TSBP1: variants seen among roughly 807,000 people sequenced by gnomAD.
The protein encoded by TSBP1 is testis expressed basic protein 1.
Under a neutral mutation model 68.8 loss-of-function variants are expected in TSBP1, and 56 were observed. The observed-to-expected ratio is 0.81, with a 90% CI of 0.66 to 1.02. The LOEUF is 1.02. Among genes scored for constraint, TSBP1 ranks in the 50% least tolerant of loss-of-function variants. TSBP1 has a pLI of 0.00. For missense variants in TSBP1, 502 were observed against 641.2 expected, an observed-to-expected ratio of 0.78 and a Z score of 2.34; for synonymous variants, 171 against 208.7, an observed-to-expected ratio of 0.82 and a Z score of 1.56.
chr6:32,345,674 G>A (rs1770931152), intron 9 of TSBP1, among the ~76,000 whole-genome samples: 1 of 152,138 alleles, frequency 6.6e-6, no homozygotes, highest in African/African-American at 2.4e-5. Flanking sequence ...TCAGATTGCA[G>A]TCCTTATCTG....
At chr6:32,308,714 A>G (rs1401630693) in intron 19 of TSBP1, among the ~76,000 whole-genome samples, 2 of 151,814 alleles carry the variant, frequency 1.3e-5, no homozygotes, top group Non-Finnish European at 2.9e-5. Flanking sequence ...TGGGTTCAGA[A>G]GATGTATGTC....
In TSBP1 at chr6:32,328,405, G is replaced by A. The variant is rs185898959; in HGVS notation, c.514+2184C>T. On this transcript the variant is annotated intron_variant, in intron 16 of 22. Transcript: ENST00000612031. ...TGAGATTACAGGCGTGCACCACCACGCCCAGCTAACTTTTGTATTTTTTTT... is the reference window on the plus strand; with the variant it reads ...TGAGATTACAGGCGTGCACCACCACACCCAGCTAACTTTTGTATTTTTTTT... Among the ~76,000 whole-genome samples the A allele has an allele frequency of 3.7e-3, 556 of 149,704 alleles. 5 individuals are homozygous for A. The highest frequency in any genetic ancestry group is 0.013 in the African/African-American group (520 of 40,876).
At chr6:32,366,657 G>C (rs1773763581) in intron 4 of TSBP1, among the ~76,000 whole-genome samples, 1 of 150,222 alleles carries the variant, frequency 6.7e-6, no homozygotes, top group African/African-American at 2.4e-5. Flanking sequence ...TCACTGCTCA[G>C]AAGGCTGAGA....
intron 1 of TSBP1, among the ~76,000 whole-genome samples, chr6:32,371,177 GA>G (rs1355649440): frequency 1.6e-5 from 1 of 63,236 alleles, no homozygotes; most frequent in Non-Finnish European, 3.4e-5. Context: ...TCTATTATGT[GA>G]ATTTTTTTTT....
intron 16 of TSBP1, among the ~76,000 whole-genome samples, chr6:32,327,121 A>G (rs1768310582): frequency 6.6e-6 from 1 of 152,178 alleles, no homozygotes; most frequent in Non-Finnish European, 1.5e-5. Context: ...TCCTTTATTC[A>G]TTCCTTATAG....
At chr6:32,320,838 C>A (rs1221737288) in intron 18 of TSBP1, among the ~76,000 whole-genome samples, 4 of 152,138 alleles carry the variant, frequency 2.6e-5, no homozygotes, top group Non-Finnish European at 5.9e-5. Context: ...CCCGCTCCCA[C>A]CCTCCACCCT....
intron 3 of TSBP1, 128 bp from the exon 4 acceptor site, chr6:32,368,085 C>A: frequency 1.3e-6 from 1 of 747,034 alleles, no homozygotes. Context: ...ATTTACTTTG[C>A]AGGAACTAGG....
intron 9 of TSBP1, among the ~76,000 whole-genome samples, chr6:32,344,257 T>TCCCCCCA (rs1554202331): frequency 2.8e-4 from 9 of 32,342 alleles, no homozygotes; most frequent in Non-Finnish European, 4.7e-4. Flanking sequence ...CCCTCCCCCC[T>TCCCCCCA]CCCCCCACCC....
chr6:32,296,035 G>C (rs917343914), intron 22 of TSBP1, among the ~76,000 whole-genome samples: 1 of 151,640 alleles, frequency 6.6e-6, no homozygotes, highest in African/African-American at 2.4e-5. Flanking sequence ...GTAGAGATGG[G>C]GTTTCTCCAT....
intron 18 of TSBP1, among the ~76,000 whole-genome samples, chr6:32,320,782 A>C (rs1767536431): frequency 1.3e-5 from 2 of 151,938 alleles, no homozygotes; most frequent in Admixed American, 6.6e-5. Context: ...TGTACAGATT[A>C]TTTTTCTACC....
chr6:32,310,579 T>C (rs1766276620), intron 19 of TSBP1, among the ~76,000 whole-genome samples: 1 of 151,168 alleles, frequency 6.6e-6, no homozygotes, highest in Admixed American at 6.6e-5. Context: ...TCTTTTAAAC[T>C]GTGATTAATA....
chr6:32,295,363 A>C (rs766945779), intron 22 of TSBP1, among the ~76,000 whole-genome samples: 4,030 of 148,282 alleles, frequency 0.027, 100 homozygotes, highest in South Asian at 0.055. Context: ...AAAAAAAAAA[A>C]AAAAAAAGAA....
chr6:32,311,237 A>G (rs1426103584), intron 19 of TSBP1, among the ~76,000 whole-genome samples: 1 of 151,976 alleles, frequency 6.6e-6, no homozygotes, highest in African/African-American at 2.4e-5. Context: ...ATTTAGTCCA[A>G]TCGTCTTAAA....
chr6:32,310,762 T>TATATATATATATATATATA (rs1554188790), intron 19 of TSBP1, among the ~76,000 whole-genome samples: 1 of 95,450 alleles, frequency 1.0e-5, no homozygotes, highest in African/African-American at 3.8e-5. Context: ...TATATATATA[T>TATATATATATATATATATA]TTTTAATCTT....
chr6:32,327,447 A>G (rs904664230), intron 16 of TSBP1, among the ~76,000 whole-genome samples: 2 of 152,164 alleles, frequency 1.3e-5, no homozygotes, highest in African/African-American at 4.8e-5. Context: ...AGCTCAGTGC[A>G]TGTCCGGCCT....
intron 19 of TSBP1, among the ~76,000 whole-genome samples, chr6:32,312,038 C>T (rs916966449): frequency 6.6e-6 from 1 of 152,062 alleles, no homozygotes; most frequent in Non-Finnish European, 1.5e-5. Context: ...CTCTGCAGTA[C>T]GAGCAATGAA....
rs1391682858 is a variant in TSBP1 at position 32,316,357 on chromosome 6, A to C, written c.560-565T>G. 7.0e-6 allele frequency: 11 copies of C among 1,560,766 alleles called. No homozygotes were observed. In the Admixed American group the frequency reaches 1.3e-4, roughly 18 times the overall value. On this transcript the variant is annotated intron_variant, in intron 18 of 22. Coordinates refer to ENST00000612031, the Ensembl canonical transcript of TSBP1. This position sits in a 1 kb window ranked among gnomAD's most constrained non-coding sequence, Gnocchi z 4.5. ...GACAGAAGTGAAGTGAAGGGGACCAAAGAGAACCAAAGTAGAAAAAGACAT... is the reference window on the plus strand; with the variant it reads ...GACAGAAGTGAAGTGAAGGGGACCACAGAGAACCAAAGTAGAAAAAGACAT...
rs1428872364 is a variant in TSBP1, at chr6:32,302,701, C to T, written c.581-72G>A. ...CAGAAGTACAGTTCTTTCCTACTCC[C>T]AATTCCCTAGTTGTTTTTTCTAGGG... On this transcript the variant is annotated intron_variant, in intron 19 of 22. Coordinates refer to ENST00000612031, the Ensembl canonical transcript of TSBP1. This position sits in a 1 kb window ranked among gnomAD's most constrained non-coding sequence, Gnocchi z 5.1. 2.7e-6 allele frequency: 3 copies of T among 1,094,054 alleles called. No individual in the cohort carries two copies. Among genetic ancestry groups the T allele is most frequent in the Non-Finnish European group, 4.0e-6 (3 of 749,864 alleles). 67.8% of individuals were successfully genotyped at this position (1,094,054 alleles called of 1,614,324 possible).
chr6:32,315,862 AT>A lies in TSBP1; in HGVS notation c.560-71del, dbSNP rs572921327. The A allele has an allele frequency of 1.9e-4, 197 of 1,051,384 alleles. 2 individuals carry two copies. In the African/African-American group the frequency reaches 2.9e-3, roughly 16 times the overall value. The allele number at this position is 1,051,384 out of a possible 1,614,324, so 65.1% of individuals were successfully genotyped here. On this transcript the variant is annotated intron_variant, in intron 18 of 22. Coordinates refer to ENST00000612031, the Ensembl canonical transcript of TSBP1. The surrounding 1 kb of genome is among the most constrained non-coding windows in gnomAD (Gnocchi z 5.4). ...GAGAAAACATAGCATTATCTAACATATTTTGTTGGAGTCTGTGAGGGGAGGA... is the reference window on the plus strand; with the variant it reads ...GAGAAAACATAGCATTATCTAACATATTTGTTGGAGTCTGTGAGGGGAGGA...
Sources: allele counts gnomAD v4.1 joint callset (sites outside exome capture counted in the v4.1 genomes callset), GRCh38; gene constraint gnomAD v4.1.1; non-coding constraint Gnocchi (gnomAD v3.1); transcripts MANE v1.5; gene names NCBI Gene and HGNC (gene_info 2026-07-23, HGNC 2026-07-21).